Variants in CDC42EP4 observed in about 807,000 individuals in gnomAD.
CDC42EP4 encodes the protein CDC42 effector protein 4, also known as CDC42 effector protein (Rho GTPase binding) 4.
A neutral mutation model predicts 5.6 loss-of-function variants in CDC42EP4; 6 were observed. That is an observed-to-expected ratio of 1.07 (90% confidence interval 0.59 to 2.12). The LOEUF (loss-of-function observed/expected upper bound fraction) is 2.12. CDC42EP4 is among the 30% of genes most tolerant of loss of function. CDC42EP4 has a pLI of 0.00. For missense variants in CDC42EP4, 490 were observed against 508.6 expected, an observed-to-expected ratio of 0.96 and a Z score of 0.35; for synonymous variants, 230 against 224.2, an observed-to-expected ratio of 1.03 and a Z score of -0.23.
At chr17:73,302,584 C>T (rs1052044417) in intron 1 of CDC42EP4, among the ~76,000 whole-genome samples, 3 of 152,082 alleles carry the variant, frequency 2.0e-5, no homozygotes, top group African/African-American at 7.2e-5. Flanking sequence ...TCAAGCAATC[C>T]TTCCACCTCA....
chr17:73,290,968 G>A (rs1026914774), intron 1 of CDC42EP4, among the ~76,000 whole-genome samples: 2 of 152,214 alleles, frequency 1.3e-5, no homozygotes, highest in African/African-American at 4.8e-5. Context: ...GATGGCTACA[G>A]GGGAGGACAG....
In CDC42EP4 at chr17:73,285,697, C is replaced by G; in HGVS notation, c.804G>C (p.Lys268Asn). 1 of 1,571,462 alleles carries G rather than the reference C, an allele frequency of 6.4e-7. No homozygotes were observed. Among genetic ancestry groups the G allele is most frequent in the Non-Finnish European group, 8.7e-7 (1 of 1,153,582 alleles). ...GGAGGGAGGGCAAGTCTGGGCCAGC[C>G]TTGCCTTCCTGCCTTGCCAGGGGAG... is the stretch of plus-strand genomic sequence containing the variant. Reference protein sequence around the residue: ...AAPPLARQEGKAGPDLPSLPS... With the variant: ...AAPPLARQEGNAGPDLPSLPS... Residue 268 changes from lysine (K) to asparagine (N), a missense_variant, in exon 2 of 2, where the codon AAG becomes AAC. Coordinates refer to ENST00000335793, the MANE Select transcript of CDC42EP4 (RefSeq NM_012121.5). This position sits in a 1 kb window ranked among gnomAD's most constrained non-coding sequence, Gnocchi z 6.8.
At chr17:73,303,830 G>C (rs952766457) in intron 1 of CDC42EP4, among the ~76,000 whole-genome samples, 1 of 152,110 alleles carries the variant, frequency 6.6e-6, no homozygotes, top group Admixed American at 6.5e-5. Flanking sequence ...TATCACACAA[G>C]TATTCTCCAC....
intron 1 of CDC42EP4, among the ~76,000 whole-genome samples, chr17:73,294,871 G>A (rs888632581): frequency 3.3e-5 from 5 of 151,942 alleles, no homozygotes; most frequent in African/African-American, 1.2e-4. Flanking sequence ...ATGTAATGGT[G>A]CACTCTTGGC....
rs774739636 is a variant in CDC42EP4 at position 73,286,025 on chromosome 17, G to A, written c.476C>T (p.Thr159Met). ...ATTCCGACGGGGCACTGCCTCCTCC[G>A]TGCCCGCCTCCTCATCGCCGCCCTC... ...DGEGGDEEAG[T>M]EEAVPRRNGA... Residue 159 changes from threonine to methionine, a missense_variant, in exon 2 of 2, where the codon ACG (threonine) becomes ATG (methionine). Coordinates refer to ENST00000335793, the MANE Select transcript of CDC42EP4 (RefSeq NM_012121.5). This position sits in a 1 kb window ranked among gnomAD's most constrained non-coding sequence, Gnocchi z 7.7. 2.7e-5 allele frequency: 43 copies of A among 1,613,700 alleles called. No homozygotes were observed. In the Admixed American group the frequency reaches 2.8e-4, roughly 11 times the overall value.
chr17:73,294,747 C>A (rs2062176550), intron 1 of CDC42EP4, among the ~76,000 whole-genome samples: 1 of 151,610 alleles, frequency 6.6e-6, no homozygotes, highest in Non-Finnish European at 1.5e-5. Context: ...ACACACACAC[C>A]ACACACACAC....
At chr17:73,296,397 AAC>A (rs2062185887) in intron 1 of CDC42EP4, among the ~76,000 whole-genome samples, 1 of 139,978 alleles carries the variant, frequency 7.1e-6, no homozygotes, top group Non-Finnish European at 1.5e-5. Flanking sequence ...CAGCCTGGGC[AAC>A]AGAGGGAGAC....
chr17:73,295,858 T>C (rs1352392769), intron 1 of CDC42EP4, among the ~76,000 whole-genome samples: 1 of 144,880 alleles, frequency 6.9e-6, no homozygotes. Context: ...CACACTGAGA[T>C]CATGCCATTG....
At chr17:73,295,733 T>C (rs916190113) in intron 1 of CDC42EP4, among the ~76,000 whole-genome samples, 7 of 151,758 alleles carry the variant, frequency 4.6e-5, no homozygotes, top group African/African-American at 1.7e-4. Flanking sequence ...TGAAACCCCA[T>C]CTCAACTAAT....
intron 1 of CDC42EP4, among the ~76,000 whole-genome samples, chr17:73,289,536 G>A (rs8081010): frequency 0.51 from 76,842 of 150,374 alleles, 20,005 homozygotes; most frequent in Admixed American, 0.56. Flanking sequence ...GGCTGTTCCT[G>A]AGTCGTATCT....
intron 1 of CDC42EP4, chr17:73,310,791 A>ACACACG (rs1451239020): frequency 1.8e-4 from 22 of 125,660 alleles, no homozygotes; most frequent in African/African-American, 5.4e-4. Context: ...ACACACACAC[A>ACACACG]CACGCACTTC....
intron 1 of CDC42EP4, among the ~76,000 whole-genome samples, chr17:73,299,443 ATACAC>A (rs1167352117): frequency 0.01 from 1,177 of 113,434 alleles, 29 homozygotes; most frequent in African/African-American, 0.033. Context: ...AAAAAAAAAA[ATACAC>A]ACACACACAC....
At chr17:73,302,175 C>T (rs2062222464) in intron 1 of CDC42EP4, among the ~76,000 whole-genome samples, 2 of 152,094 alleles carry the variant, frequency 1.3e-5, no homozygotes, top group Non-Finnish European at 2.9e-5. Flanking sequence ...TTAATGGCCA[C>T]CCCACCAAGC....
chr17:73,294,398 C>A (rs768518382), intron 1 of CDC42EP4, among the ~76,000 whole-genome samples: 4 of 152,052 alleles, frequency 2.6e-5, no homozygotes, highest in Non-Finnish European at 4.4e-5. Context: ...AGGATGGGAA[C>A]ATGAAATGTC....
chr17:73,285,185 T>C lies in CDC42EP4; in HGVS notation c.*245A>G. On this transcript the variant is annotated 3_prime_UTR_variant, in exon 2 of 2. Coordinates refer to ENST00000335793, the MANE Select transcript of CDC42EP4 (RefSeq NM_012121.5). The surrounding 1 kb of genome is among the most constrained non-coding windows in gnomAD (Gnocchi z 6.8). ...ATTCCTGCTGTGACAACACAGCCCT[T>C]GTCCCACGCAGCCTAAGTGCAGGGA... The C allele has an allele frequency of 5.3e-6, 2 of 374,026 alleles. No homozygotes were observed. Among genetic ancestry groups the C allele is most frequent in the Non-Finnish European group, 9.7e-6 (2 of 207,098 alleles). 23.2% of individuals were successfully genotyped at this position (374,026 alleles called of 1,614,324 possible). A position where few individuals can be genotyped will look rare whatever the true frequency, so the allele number is the denominator to read the frequency against.
intron 1 of CDC42EP4, among the ~76,000 whole-genome samples, chr17:73,296,571 A>G (rs1219325773): frequency 6.6e-6 from 1 of 152,188 alleles, no homozygotes; most frequent in East Asian, 1.9e-4. Context: ...ACATGGACCA[A>G]ATGTTTACCA....
chr17:73,310,209 T>C (rs2062266418), intron 1 of CDC42EP4: 1 of 152,254 alleles, frequency 6.6e-6, no homozygotes, highest in Non-Finnish European at 1.5e-5. Flanking sequence ...CTTTGTTCTC[T>C]TAAAATTCAG....
At chr17:73,302,197 T>G (rs956177910) in intron 1 of CDC42EP4, among the ~76,000 whole-genome samples, 3 of 152,146 alleles carry the variant, frequency 2.0e-5, no homozygotes. Flanking sequence ...TATACTACCT[T>G]ACAGGCTCTA....
intron 1 of CDC42EP4, among the ~76,000 whole-genome samples, chr17:73,289,875 AAAGC>A (rs1157405207): frequency 2.0e-5 from 3 of 152,104 alleles, no homozygotes; most frequent in Admixed American, 6.5e-5. Context: ...AAGGAAAAGA[AAAGC>A]AAGGAAGGAA....
Sources: allele counts gnomAD v4.1 joint callset (sites outside exome capture counted in the v4.1 genomes callset), GRCh38; gene constraint gnomAD v4.1.1; non-coding constraint Gnocchi (gnomAD v3.1); transcripts MANE v1.5; gene names NCBI Gene and HGNC (gene_info 2026-07-23, HGNC 2026-07-21).